The following MSH4 variants were observed in gnomAD, a reference collection of about 807,000 sequenced individuals.
MSH4 encodes the protein mutS protein homolog 4.
Under a neutral mutation model 113.7 loss-of-function variants are expected in MSH4, and 106 were observed. The ratio of observed to expected loss-of-function variants is 0.93; its 90% CI spans 0.80 to 1.10. The LOEUF is 1.10. Ranked by LOEUF, MSH4 falls within the 50% of genes least tolerant of loss-of-function variation. MSH4 has a pLI of 0.00. For missense variants in MSH4, 1,061 were observed against 1,093.7 expected (o/e 0.97, Z 0.42); for synonymous variants, 368 against 380.2 (o/e 0.97, Z 0.37).
In MSH4 at chr1:75,895,318, T is replaced by C. The variant is rs146103766; in HGVS notation, c.2356-2589T>C. Among the ~76,000 whole-genome samples the C allele has an allele frequency of 4.6e-3, 702 of 152,280 alleles. 4 individuals carry two copies. Among genetic ancestry groups the C allele is most frequent in the African/African-American group, 0.016 (669 of 41,566 alleles). ...TCCTTAGGGTATCTCCGTTCTGTCA[T>C]GCTCTGTGTTAAAGGTCTGTGGAAA... On this transcript the variant is annotated intron_variant, in intron 17 of 19. Transcript: ENST00000263187.
chr1:75,833,168 G>C (rs771306708), intron 7 of MSH4, among the ~76,000 whole-genome samples: 3 of 152,108 alleles, frequency 2.0e-5, no homozygotes, highest in Non-Finnish European at 2.9e-5. Context: ...CAACTCATGA[G>C]TGAACTCCCA....
chr1:75,831,565 C>G (rs182593730), intron 7 of MSH4, among the ~76,000 whole-genome samples: 18 of 151,936 alleles, frequency 1.2e-4, no homozygotes, highest in African/African-American at 4.3e-4. Context: ...TGTAAAAGAA[C>G]ACAAATTATA....
intron 6 of MSH4, among the ~76,000 whole-genome samples, chr1:75,817,203 C>G (rs562150732): frequency 6.6e-6 from 1 of 152,080 alleles, no homozygotes; most frequent in Non-Finnish European, 1.5e-5. Context: ...AAAAAACAAC[C>G]CAGTTCAGAA....
rs547260836 is a variant in MSH4 at position 75,849,184 on chromosome 1, G to A, written c.1230+908G>A. Among the ~76,000 whole-genome samples the A allele has an allele frequency of 7.9e-5, 12 of 152,116 alleles. No homozygotes were observed. The East Asian group carries it at 1.5e-3, about 20-fold the overall frequency. ...TGACCTCAAGTGATCTGCCCACCTCGGCCTCCCAAAGTACTGGGATTGCAG... is the reference window on the plus strand; with the variant it reads ...TGACCTCAAGTGATCTGCCCACCTCAGCCTCCCAAAGTACTGGGATTGCAG... On this transcript the variant is annotated intron_variant, in intron 8 of 19. Coordinates refer to ENST00000263187, the MANE Select transcript of MSH4 (RefSeq NM_002440.4).
At chr1:75,862,788 C>T (rs1228002241) in intron 8 of MSH4, among the ~76,000 whole-genome samples, 3 of 152,102 alleles carry the variant, frequency 2.0e-5, no homozygotes, top group African/African-American at 7.2e-5. Context: ...TGTGAATGAA[C>T]TAAATGCTTT....
intron 19 of MSH4, among the ~76,000 whole-genome samples, chr1:75,910,174 C>A (rs769719193): frequency 6.6e-6 from 1 of 152,050 alleles, no homozygotes; most frequent in Non-Finnish European, 1.5e-5. Flanking sequence ...TCTTTCATTT[C>A]TCATGTTTAA....
chr1:75,886,822 G>C, intron 15 of MSH4, among the ~76,000 whole-genome samples: 1 of 55,854 alleles, frequency 1.8e-5, no homozygotes, highest in Non-Finnish European at 3.3e-5. Flanking sequence ...ACTCACACTG[G>C]TACATATATA....
chr1:75,867,691 G>T, intron 9 of MSH4, 103 bp downstream of exon 9: 1 of 708,250 alleles, frequency 1.4e-6, no homozygotes, highest in Non-Finnish European at 2.4e-6. Flanking sequence ...ATAACATGGC[G>T]AATTTCCCAT....
intron 9 of MSH4, among the ~76,000 whole-genome samples, chr1:75,871,901 A>G (rs1396404144): frequency 6.6e-6 from 1 of 152,222 alleles, no homozygotes; most frequent in Non-Finnish European, 1.5e-5. Flanking sequence ...ATGAATTATT[A>G]AACATTTTTG....
chr1:75,810,236 T>C (rs1443864920), intron 3 of MSH4, among the ~76,000 whole-genome samples: 1 of 45,916 alleles, frequency 2.2e-5, no homozygotes, highest in Non-Finnish European at 7.6e-5. Context: ...GTGGTGTTTG[T>C]TTGTCTGTTT....
chr1:75,816,399 C>G lies in MSH4; in HGVS notation c.842C>G (p.Ala281Gly). The G allele has an allele frequency of 6.2e-7, 1 of 1,605,188 alleles. No homozygotes were observed. The highest frequency in any genetic ancestry group is 8.5e-7 in the Non-Finnish European group (1 of 1,174,638). The change falls in exon 6 of 20, where the codon GCT becomes GGT. Residue 281 changes from alanine (A) to glycine (G), a missense_variant. Transcript: ENST00000263187. Reference protein sequence around the residue: ...SKYYCLAAVAALLKYVEFIQN... With the variant: ...SKYYCLAAVAGLLKYVEFIQN... ...TATTACTGCCTTGCAGCTGTTGCAG[C>G]TTTGTTAAAATATGTTGAATTTATT...
At chr1:75,898,110 A>C (rs764506547) in intron 18 of MSH4, 29 bp downstream of exon 18, 2 of 1,384,778 alleles carry the variant, frequency 1.4e-6, no homozygotes, top group Non-Finnish European at 1.9e-6. Flanking sequence ...ATACCTATAC[A>C]TTCAAATACT....
intron 8 of MSH4, among the ~76,000 whole-genome samples, chr1:75,850,221 T>G (rs560866767): frequency 7.2e-5 from 11 of 152,264 alleles, no homozygotes; most frequent in African/African-American, 2.6e-4. Flanking sequence ...TGTTCTTTTT[T>G]GAGGTTGTAA....
rs1424194148 is a variant in MSH4, at chr1:75,810,722, C to T, written c.614C>T (p.Ser205Leu). Reference sequence around the variant, plus strand: ...GTGATCACTAAACTTAAAATTTTATCACCTTTGGAAATAATAATGTCAAAT... The same window carrying T: ...GTGATCACTAAACTTAAAATTTTATTACCTTTGGAAATAATAATGTCAAAT... ...AKVITKLKIL[S>L]PLEIIMSNTA... Residue 205 changes from serine to leucine, a missense_variant, in exon 4 of 20, where the codon TCA becomes TTA. By Grantham distance (145) the Ser-to-Leu change is moderately radical (BLOSUM62 -2). Transcript: ENST00000263187. The T allele has an allele frequency of 6.4e-7, 1 of 1,565,202 alleles. No homozygotes were observed. Among genetic ancestry groups the T allele is most frequent in the Admixed American group, 1.9e-5 (1 of 51,514 alleles).
intron 2 of MSH4, among the ~76,000 whole-genome samples, chr1:75,804,590 A>G (rs1213746126): frequency 2.0e-5 from 3 of 149,606 alleles, no homozygotes; most frequent in Admixed American, 6.7e-5. Context: ...GACTCACTGC[A>G]ATGTCTGCTT....
At chr1:75,886,425 A>T (rs1263885379) in intron 15 of MSH4, among the ~76,000 whole-genome samples, 1 of 112,236 alleles carries the variant, frequency 8.9e-6, no homozygotes, top group Non-Finnish European at 1.6e-5. Flanking sequence ...GGTATATATG[A>T]TGTATTATAT....
At chr1:75,857,283 T>G (rs1341146759) in intron 8 of MSH4, among the ~76,000 whole-genome samples, 5 of 152,230 alleles carry the variant, frequency 3.3e-5, no homozygotes, top group African/African-American at 9.6e-5. Flanking sequence ...GCAGAAGCTC[T>G]TTAGTTTAAT....
chr1:75,810,604 C>A, intron 3 of MSH4, 93 bp from the exon 4 acceptor site: 1 of 532,424 alleles, frequency 1.9e-6, no homozygotes, highest in South Asian at 3.4e-5. Context: ...TTTTGTGTAT[C>A]TATGAATTAA....
At chr1:75,810,646 C>A in intron 3 of MSH4, 51 bp from the exon 4 acceptor site, 2 of 855,476 alleles carry the variant, frequency 2.3e-6, no homozygotes, top group Non-Finnish European at 3.5e-6. Flanking sequence ...AAATATGAAA[C>A]TTTTATTTCC....
Sources: allele counts gnomAD v4.1 joint callset (sites outside exome capture counted in the v4.1 genomes callset), GRCh38; gene constraint gnomAD v4.1.1; transcripts MANE v1.5; gene names NCBI Gene and HGNC (gene_info 2026-07-23, HGNC 2026-07-21).